The following FUT9 variants were observed in gnomAD, a reference collection of about 807,000 sequenced individuals.
FUT9 encodes the protein fucosyltransferase 9, also known as 4-galactosyl-N-acetylglucosaminide 3-alpha-L-fucosyltransferase 9.
FUT9 carries 15 observed loss-of-function variants against 29.7 expected under a neutral mutation model. The ratio of observed to expected loss-of-function variants is 0.51; its 90% CI spans 0.34 to 0.78. The LOEUF is 0.78. Among genes scored for constraint, FUT9 ranks in the 30% least tolerant of loss-of-function variants. The pLI, the probability that FUT9 is intolerant of heterozygous loss-of-function variation, is 0.01. For missense variants in FUT9, 319 were observed against 425.4 expected, an observed-to-expected ratio of 0.75 and a Z score of 2.20; for synonymous variants, 169 against 153.7, an observed-to-expected ratio of 1.10 and a Z score of -0.74.
chr6:96,062,825 C>G (rs1770900138), intron 1 of FUT9, among the ~76,000 whole-genome samples: 1 of 143,592 alleles, frequency 7.0e-6, no homozygotes, highest in African/African-American at 2.5e-5. Flanking sequence ...AAACAAAGAT[C>G]AACAACAAAA....
At chr6:96,058,766 T>A (rs911528452) in intron 1 of FUT9, among the ~76,000 whole-genome samples, 45 of 152,320 alleles carry the variant, frequency 3.0e-4, no homozygotes, top group African/African-American at 9.9e-4. Context: ...CATGTTGTTT[T>A]GTACTTTGTA....
intron 2 of FUT9, among the ~76,000 whole-genome samples, chr6:96,157,687 T>A (rs1353850139): frequency 6.6e-6 from 1 of 152,166 alleles, no homozygotes; most frequent in Admixed American, 6.5e-5. Context: ...GATTTCAAAA[T>A]CTTATTTGAC....
rs1582314945 is a variant in FUT9, at chr6:96,212,246, C to T, written c.*8011C>T. On this transcript the variant is annotated 3_prime_UTR_variant, in exon 3 of 3. Transcript: ENST00000302103. The stretch of plus-strand genomic sequence containing the variant: ...CCTTCAGTTCCTTAAATGAGATAAT[C>T]CTGAAGATGCCATCCTTGTCCAAGG... 1 of 412,684 alleles carries T rather than the reference C, an allele frequency of 2.4e-6. No individual in the cohort carries two copies. The highest frequency in any genetic ancestry group is 4.4e-5 in the Admixed American group (1 of 22,670). The allele number at this position is 412,684 out of a possible 1,614,324, so 25.6% of individuals were successfully genotyped here. A position where few individuals can be genotyped will look rare whatever the true frequency, so the allele number is the denominator to read the frequency against.
intron 1 of FUT9, among the ~76,000 whole-genome samples, chr6:96,107,667 A>T (rs1771717444): frequency 6.6e-6 from 1 of 152,206 alleles, no homozygotes; most frequent in Non-Finnish European, 1.5e-5. Context: ...TTCCAAGCAT[A>T]AGTGTATTTT....
intron 2 of FUT9, among the ~76,000 whole-genome samples, chr6:96,128,585 T>TAA (rs1772174862): frequency 6.6e-6 from 1 of 152,152 alleles, no homozygotes; most frequent in African/African-American, 2.4e-5. Flanking sequence ...ACAAAAATTT[T>TAA]AAAAACATAT....
chr6:96,201,331 G>A (rs533438960), intron 2 of FUT9, among the ~76,000 whole-genome samples: 1 of 151,808 alleles, frequency 6.6e-6, no homozygotes, highest in East Asian at 1.9e-4. Flanking sequence ...TTTTATCTAT[G>A]CTAAATCAAC....
chr6:96,203,059 T>G, intron 2 of FUT9, 89 bp from the exon 3 acceptor site: 1 of 961,688 alleles, frequency 1.0e-6, no homozygotes. Context: ...TTATCTCATA[T>G]TTATGATTTT....
rs1245408282 is a variant in FUT9 at position 96,035,913 on chromosome 6, TTATGTTTATTATATTAATATAATATAA to T, written c.-98+19704_-98+19730del. ...TATTATATTAATATAATATAATACA[TTATGTTTATTATATTAATATAATATAA>T]TACATTATGTTTATTATATTAATAT... On this transcript the variant is annotated intron_variant, in intron 1 of 2. Coordinates refer to ENST00000302103, the MANE Select transcript of FUT9 (RefSeq NM_006581.4). Among the ~76,000 whole-genome samples the T allele has an allele frequency of 3.3e-4, 27 of 81,710 alleles. 1 individual carries two copies. The highest frequency in any genetic ancestry group is 1.2e-3 in the African/African-American group (27 of 22,872). 53.6% of individuals were successfully genotyped at this position (81,710 alleles called of 152,430 possible).
At chr6:96,159,581 A>C in intron 2 of FUT9, among the ~76,000 whole-genome samples, 1 of 152,058 alleles carries the variant, frequency 6.6e-6, no homozygotes, top group African/African-American at 2.4e-5. Flanking sequence ...ACACTGACTA[A>C]ATCTTTTTGA....
rs376718125 is a variant in FUT9, at chr6:96,178,962, C to A, written c.-8-24186C>A. The stretch of plus-strand genomic sequence containing the variant: ...ATTAATACTTTGATTTCACAGTTAT[C>A]AACTACAAAAAAAAACACCTTTTGT... On this transcript the variant is annotated intron_variant, in intron 2 of 2. Coordinates refer to ENST00000302103, the MANE Select transcript of FUT9 (RefSeq NM_006581.4). 5.5e-4 allele frequency among the ~76,000 whole-genome samples: 84 copies of A among 151,880 alleles called. No individual in the cohort carries two copies. The East Asian group carries it at 0.01, about 19-fold the overall frequency.
At chr6:96,144,328 G>A (rs4577808) in intron 2 of FUT9, among the ~76,000 whole-genome samples, 55,701 of 151,946 alleles carry the variant, frequency 0.37, 10,462 homozygotes, top group Non-Finnish European at 0.43. Flanking sequence ...TGCTTGATCA[G>A]TGCTATGCAG....
intron 1 of FUT9, among the ~76,000 whole-genome samples, chr6:96,088,291 AT>A (rs1771352880): frequency 6.6e-6 from 1 of 152,040 alleles, no homozygotes; most frequent in South Asian, 2.1e-4. Flanking sequence ...TTCTTATTTC[AT>A]TTTTAAAGCA....
intron 2 of FUT9, among the ~76,000 whole-genome samples, chr6:96,178,786 T>G (rs1387142645): frequency 1.3e-5 from 2 of 152,286 alleles, no homozygotes. Context: ...CCTATCATTA[T>G]GTTAATCATT....
At chr6:96,185,660 G>A (rs2127987206) in intron 2 of FUT9, among the ~76,000 whole-genome samples, 1 of 152,254 alleles carries the variant, frequency 6.6e-6, no homozygotes, top group Admixed American at 6.6e-5. Flanking sequence ...ATTTAATGAG[G>A]AGGGATCAGC....
intron 1 of FUT9, among the ~76,000 whole-genome samples, chr6:96,097,297 A>G (rs1164118705): frequency 1.3e-5 from 2 of 152,208 alleles, no homozygotes; most frequent in African/African-American, 4.8e-5. Context: ...GGTGTGCTGG[A>G]GCCAGCTCCC....
chr6:96,120,692 A>C, intron 2 of FUT9, among the ~76,000 whole-genome samples: 1 of 115,184 alleles, frequency 8.7e-6, no homozygotes. Flanking sequence ...TTTGACTTCT[A>C]AACAAAATAA....
At chr6:96,122,817 C>A (rs1772054329) in intron 2 of FUT9, among the ~76,000 whole-genome samples, 1 of 151,824 alleles carries the variant, frequency 6.6e-6, no homozygotes, top group South Asian at 2.1e-4. Context: ...GAGGCCGAGG[C>A]CGGTGGATCA....
intron 2 of FUT9, among the ~76,000 whole-genome samples, chr6:96,200,330 TA>T (rs1773705813): frequency 2.0e-5 from 3 of 152,282 alleles, no homozygotes; most frequent in Admixed American, 1.3e-4. Flanking sequence ...AAACTTGAGA[TA>T]CCAATAGCAA....
At chr6:96,079,225 A>T (rs1461712068) in intron 1 of FUT9, among the ~76,000 whole-genome samples, 1 of 152,168 alleles carries the variant, frequency 6.6e-6, no homozygotes, top group Non-Finnish European at 1.5e-5. Flanking sequence ...CCTTCGACCA[A>T]CCTTCCATTT....
Sources: gnomAD v4.1 joint callset for allele counts (sites outside exome capture counted in the v4.1 genomes callset) on GRCh38, gnomAD v4.1.1 for gene constraint, MANE v1.5 for transcripts, NCBI Gene and HGNC (gene_info 2026-07-23, HGNC 2026-07-21) for gene names.